LGALS8: variants seen among roughly 807,000 people sequenced by gnomAD.
LGALS8 encodes the protein galectin-8.
In LGALS8, 30 loss-of-function variants were observed where a neutral mutation model predicts 35.9. The observed-to-expected ratio is 0.83, with a 90% CI of 0.62 to 1.13. LGALS8 has a LOEUF of 1.13. Among genes scored for constraint, LGALS8 ranks in the 50% most tolerant of loss-of-function variants. The pLI is 0.00. For missense variants in LGALS8, 366 were observed against 388.7 expected (o/e 0.94, Z 0.49); for synonymous variants, 138 against 136.1 (o/e 1.01, Z -0.10).
intron 9 of LGALS8, 111 bp downstream of exon 9, chr1:236,545,026 G>T: frequency 6.3e-6 from 5 of 797,172 alleles, no homozygotes; most frequent in South Asian, 2.4e-5. Context: ...AGTTGTGTAT[G>T]TTTTTTGTTT....
At chr1:236,530,586 G>A (rs894102085) in intron 2 of LGALS8, among the ~76,000 whole-genome samples, 1 of 151,996 alleles carries the variant, frequency 6.6e-6, no homozygotes, top group African/African-American at 2.4e-5. Flanking sequence ...CAGTTGCTCA[G>A]CCAGCCCTTC....
chr1:236,537,086 G>C (rs2093516), intron 2 of LGALS8, among the ~76,000 whole-genome samples: 13,148 of 144,934 alleles, frequency 0.091, 1,005 homozygotes, highest in African/African-American at 0.2. Context: ...GCGCGATCTC[G>C]GCTCACTGCA....
intron 1 of LGALS8, chr1:236,524,734 T>C: frequency 3.5e-6 from 1 of 288,600 alleles, no homozygotes; most frequent in South Asian, 3.2e-5. Flanking sequence ...CTTGTTATTA[T>C]ACATGTGTAT....
upstream of LGALS8, among the ~76,000 whole-genome samples, chr1:236,521,868 A>G (rs1225117583): frequency 6.6e-6 from 1 of 151,928 alleles, no homozygotes; most frequent in Non-Finnish European, 1.5e-5. Context: ...AGGGATTAAC[A>G]TGATCTGAAT....
chr1:236,527,883 G>A (rs1324184970), intron 2 of LGALS8, among the ~76,000 whole-genome samples: 2 of 151,854 alleles, frequency 1.3e-5, no homozygotes, highest in Non-Finnish European at 2.9e-5. Context: ...CTGCAGGCAC[G>A]TGCTACCATG....
chr1:236,550,701 C>T lies in LGALS8; in HGVS notation c.*2540C>T, dbSNP rs1662688884. ...TACCGTGTATCATTTACTCTTTCTG[C>T]AGCTCTATACGATAGGCAGGAGAGG... is the stretch of plus-strand genomic sequence containing the variant. On this transcript the variant is annotated 3_prime_UTR_variant, in exon 10 of 10. Transcript: ENST00000366584. 3 of 477,246 alleles carry T rather than the reference C, an allele frequency of 6.3e-6. No homozygotes were observed. Among genetic ancestry groups the T allele is most frequent in the Admixed American group, 3.8e-5 (1 of 26,332 alleles). The allele number at this position is 477,246 out of a possible 1,614,324, so 29.6% of individuals were successfully genotyped here. A position where few individuals can be genotyped will look rare whatever the true frequency, so the allele number is the denominator to read the frequency against.
chr1:236,528,957 T>C lies in LGALS8; in HGVS notation c.45+2842T>C, dbSNP rs146984737. ...AGTATATTTCTTTGACTAGTTCAAC[T>C]GATAGAATTCCAAGACTTAAAAAAG... On this transcript the variant is annotated intron_variant, in intron 2 of 9. Transcript: ENST00000366584. Among the ~76,000 whole-genome samples, 475 of 152,310 alleles carry C rather than the reference T, an allele frequency of 3.1e-3. 8 individuals are homozygous for C. Among genetic ancestry groups the C allele is most frequent in the African/African-American group, 0.011 (440 of 41,564 alleles).
intron 4 of LGALS8, chr1:236,540,247 TC>T (rs1280040772): frequency 8.3e-6 from 2 of 239,600 alleles, no homozygotes; most frequent in Non-Finnish European, 1.6e-5. Context: ...TGCCTGGGCT[TC>T]CAGGCGACCT....
intron 9 of LGALS8, among the ~76,000 whole-genome samples, chr1:236,547,013 T>TATCAATCA (rs3047491): frequency 2.2e-4 from 34 of 151,884 alleles, no homozygotes; most frequent in African/African-American, 6.8e-4. Flanking sequence ...CCACTGCTCC[T>TATCAATCA]ATCAAAAGAA....
At position 236,543,576 on chromosome 1, in the gene LGALS8, C is replaced by T; in HGVS notation, c.566C>T (p.Ala189Val). 6.2e-7 allele frequency: 1 copy of T among 1,613,940 alleles called. No individual in the cohort carries two copies. ...TCTTTTCAGAGGCTGCCATTCGCTG[C>T]AAGGTTGAACACCCCCATGGGCCCT... ...GTPQLRLPFA[A>V]RLNTPMGPGR... Residue 189 changes from alanine to valine, a missense_variant, in exon 8 of 10, where the codon GCA becomes GTA. Ala to Val is a moderately conservative substitution (Grantham distance 64). Transcript: ENST00000366584.
chr1:236,544,238 A>G (rs2758180), intron 8 of LGALS8, among the ~76,000 whole-genome samples: 92,998 of 152,132 alleles, frequency 0.61, 29,327 homozygotes, highest in Non-Finnish European at 0.69. Flanking sequence ...GGTGTGAGTC[A>G]CCACGCCCAG....
intron 3 of LGALS8, 105 bp downstream of exon 3, chr1:236,537,690 C>T (rs1429167113): frequency 3.7e-6 from 3 of 803,666 alleles, no homozygotes; most frequent in Non-Finnish European, 6.4e-6. Context: ...CTTTGAGGCC[C>T]AATTAGCTTT....
upstream of LGALS8, among the ~76,000 whole-genome samples, chr1:236,522,181 A>G (rs1443527413): frequency 6.6e-6 from 1 of 152,194 alleles, no homozygotes; most frequent in East Asian, 1.9e-4. Flanking sequence ...TTTAATCCAG[A>G]TTTTCTTTGT....
In LGALS8 at chr1:236,548,738, T is replaced by A; in HGVS notation, c.*577T>A. The stretch of plus-strand genomic sequence containing the variant: ...CACTGTCATAACCAGTGCTCTACCG[T>A]ATCCCATCACTGAGGACTGATGTTG... On this transcript the variant is annotated 3_prime_UTR_variant, in exon 10 of 10. Transcript: ENST00000366584. The A allele has an allele frequency of 2.6e-6, 1 of 390,560 alleles. No individual in the cohort carries two copies. Among genetic ancestry groups the A allele is most frequent in the Non-Finnish European group, 4.5e-6 (1 of 221,958 alleles). The allele number at this position is 390,560 out of a possible 1,614,324, so 24.2% of individuals were successfully genotyped here.
At chr1:236,535,255 CTAT>C (rs1205605151) in intron 2 of LGALS8, among the ~76,000 whole-genome samples, 3 of 151,722 alleles carry the variant, frequency 2.0e-5, no homozygotes, top group South Asian at 2.1e-4. Flanking sequence ...CCCATGAAAA[CTAT>C]TGTTATCATT....
rs570309692 is a variant in LGALS8 at position 236,534,775 on chromosome 1, C to T, written c.46-2722C>T. 9.2e-5 allele frequency among the ~76,000 whole-genome samples: 14 copies of T among 152,048 alleles called. No individual in the cohort carries two copies. In the East Asian group the frequency reaches 1.7e-3, roughly 19 times the overall value. On this transcript the variant is annotated intron_variant, in intron 2 of 9. Transcript: ENST00000366584. ...ACAAGGTATTAGAAGTGATGGGGGC[C>T]GGGTGCGGTAGCTTCTCCCAAAGCT...
At position 236,548,190 on chromosome 1, in the gene LGALS8, A is replaced by G; in HGVS notation, c.*29A>G. On this transcript the variant is annotated 3_prime_UTR_variant, in exon 10 of 10. Transcript: ENST00000366584. ...ACCTACACAGCTGCTACAAAAACCAAAATACAGAATGGCTTCTGTGATACT... is the reference window on the plus strand; with the variant it reads ...ACCTACACAGCTGCTACAAAAACCAGAATACAGAATGGCTTCTGTGATACT... 6.3e-7 allele frequency: 1 copy of G among 1,598,852 alleles called. No individual in the cohort carries two copies. The highest frequency in any genetic ancestry group is 8.5e-7 in the Non-Finnish European group (1 of 1,171,334).
At chr1:236,538,135 G>T (rs1452929029) in intron 3 of LGALS8, among the ~76,000 whole-genome samples, 5 of 150,372 alleles carry the variant, frequency 3.3e-5, no homozygotes, top group Non-Finnish European at 7.4e-5. Flanking sequence ...ATTAAAGAAA[G>T]GAATTGTGGT....
intron 2 of LGALS8, among the ~76,000 whole-genome samples, chr1:236,527,926 G>A (rs1206193684): frequency 2.6e-5 from 4 of 151,940 alleles, no homozygotes; most frequent in African/African-American, 9.7e-5. Context: ...AGTAGATATG[G>A]GGTTTCACAG....
Sources: allele counts gnomAD v4.1 joint callset (sites outside exome capture counted in the v4.1 genomes callset), GRCh38; gene constraint gnomAD v4.1.1; transcripts MANE v1.5; gene names NCBI Gene and HGNC (gene_info 2026-07-23, HGNC 2026-07-21).